TRPM3: variants seen among roughly 807,000 people sequenced by gnomAD.
The protein encoded by TRPM3 is long transient receptor potential channel 3.
In TRPM3, 77 loss-of-function variants were observed where a neutral mutation model predicts 181.2. The observed-to-expected ratio is 0.42, with a 90% CI of 0.35 to 0.51. The LOEUF (loss-of-function observed/expected upper bound fraction) is 0.51, where lower values mean the gene tolerates loss of function less well. Among genes scored for constraint, TRPM3 ranks in the 20% least tolerant of loss-of-function variants. TRPM3 has a pLI of 0.01. For missense variants in TRPM3, 1,759 were observed against 2,196.7 expected (o/e 0.80, Z 3.98); for synonymous variants, 745 against 796.4 (o/e 0.94, Z 1.09).
intron 1 of TRPM3, among the ~76,000 whole-genome samples, chr9:71,164,438 G>A (rs1473528411): frequency 6.6e-6 from 1 of 152,110 alleles, no homozygotes; most frequent in Non-Finnish European, 1.5e-5. Flanking sequence ...GGCTGGAGGA[G>A]AGGCAAACGG....
chr9:71,255,734 C>G (rs2082632312), intron 1 of TRPM3, among the ~76,000 whole-genome samples: 1 of 152,098 alleles, frequency 6.6e-6, no homozygotes, highest in Non-Finnish European at 1.5e-5. Flanking sequence ...TTGGGCAAGT[C>G]TTTTATTCTG....
At chr9:70,679,306 T>C (rs2064835913) in intron 9 of TRPM3, among the ~76,000 whole-genome samples, 1 of 152,226 alleles carries the variant, frequency 6.6e-6, no homozygotes, top group South Asian at 2.1e-4. Flanking sequence ...TAAAATGTAT[T>C]TCATATGGTA....
At chr9:70,553,360 G>GA (rs1301428876) in intron 22 of TRPM3, 50 bp from the exon 23 acceptor site, 12 of 1,583,414 alleles carry the variant, frequency 7.6e-6, no homozygotes, top group South Asian at 2.3e-5. Flanking sequence ...ATTTGAGTTA[G>GA]AAAAAAAATA....
chr9:71,421,218 G>A (rs1439399732), intron 1 of TRPM3, among the ~76,000 whole-genome samples: 1 of 151,764 alleles, frequency 6.6e-6, no homozygotes, highest in Non-Finnish European at 1.5e-5. Context: ...CTAGAGGTGG[G>A]AAGGAAGGAA....
chr9:71,163,319 G>T (rs1486402605), intron 1 of TRPM3, among the ~76,000 whole-genome samples: 2 of 152,012 alleles, frequency 1.3e-5, no homozygotes, highest in African/African-American at 4.8e-5. Flanking sequence ...GATAAAGAGG[G>T]GAAACAAGAT....
intron 1 of TRPM3, among the ~76,000 whole-genome samples, chr9:70,961,017 A>G (rs1449849347): frequency 1.3e-5 from 2 of 152,186 alleles, no homozygotes; most frequent in Admixed American, 6.5e-5. Flanking sequence ...AAACCTGGGA[A>G]TATGTTATCT....
intron 1 of TRPM3, among the ~76,000 whole-genome samples, chr9:71,366,067 C>G (rs1181601182): frequency 2.6e-5 from 4 of 152,074 alleles, no homozygotes; most frequent in African/African-American, 7.2e-5. Flanking sequence ...AAGAGCTTTT[C>G]AGAGATTGGT....
At chr9:71,055,088 G>C (rs77227714) in intron 1 of TRPM3, among the ~76,000 whole-genome samples, 66 of 152,188 alleles carry the variant, frequency 4.3e-4, no homozygotes, top group Non-Finnish European at 7.9e-4. Flanking sequence ...GTATTATTAA[G>C]TCATGTTAAG....
At chr9:71,145,320 CA>C (rs1313595614) in intron 1 of TRPM3, among the ~76,000 whole-genome samples, 16 of 152,154 alleles carry the variant, frequency 1.1e-4, no homozygotes, top group African/African-American at 3.4e-4. Flanking sequence ...TAAGCAACAA[CA>C]GAAGAGAGTG....
chr9:70,575,882 A>G (rs1020327159), intron 22 of TRPM3, among the ~76,000 whole-genome samples: 16 of 152,182 alleles, frequency 1.1e-4, no homozygotes, highest in African/African-American at 3.9e-4. Flanking sequence ...GGCACTCCAT[A>G]ACTATAAACT....
intron 1 of TRPM3, among the ~76,000 whole-genome samples, chr9:71,045,225 T>C (rs1260187142): frequency 6.6e-6 from 1 of 152,056 alleles, no homozygotes; most frequent in Non-Finnish European, 1.5e-5. Context: ...GCCTCCCGAG[T>C]AGCTGGGACT....
At chr9:71,411,181 G>T (rs2131453228) in intron 1 of TRPM3, among the ~76,000 whole-genome samples, 1 of 152,310 alleles carries the variant, frequency 6.6e-6, no homozygotes, top group Admixed American at 6.5e-5. Context: ...CATTCCCTTT[G>T]AAAACTGGCA....
chr9:70,997,299 C>T (rs1052334100), intron 1 of TRPM3, among the ~76,000 whole-genome samples: 2 of 152,088 alleles, frequency 1.3e-5, no homozygotes, highest in African/African-American at 2.4e-5. Flanking sequence ...CCTGGGTTCA[C>T]GCTATTCTGC....
chr9:71,406,870 A>C (rs1399321880), intron 1 of TRPM3, among the ~76,000 whole-genome samples: 1 of 152,122 alleles, frequency 6.6e-6, no homozygotes, highest in Admixed American at 6.6e-5. Context: ...TTAAGGGTAC[A>C]CGTTTAGAGC....
At chr9:71,114,233 C>T (rs1206618816) in intron 1 of TRPM3, among the ~76,000 whole-genome samples, 1 of 152,160 alleles carries the variant, frequency 6.6e-6, no homozygotes, top group Non-Finnish European at 1.5e-5. Context: ...CACTACAACT[C>T]CTATGCATGT....
chr9:70,868,301 T>C (rs865934512), intron 1 of TRPM3, among the ~76,000 whole-genome samples: 2 of 151,976 alleles, frequency 1.3e-5, no homozygotes, highest in Non-Finnish European at 2.9e-5. Context: ...TTAAAAGACA[T>C]CATATTCAAG....
intron 5 of TRPM3, among the ~76,000 whole-genome samples, chr9:70,834,451 A>G (rs1233979379): frequency 6.6e-6 from 1 of 152,228 alleles, no homozygotes; most frequent in African/African-American, 2.4e-5. Context: ...AGAAATCACC[A>G]TGTATGAGTG....
intron 1 of TRPM3, among the ~76,000 whole-genome samples, chr9:71,234,259 T>A (rs1276477949): frequency 6.6e-6 from 1 of 152,170 alleles, no homozygotes; most frequent in Non-Finnish European, 1.5e-5. Flanking sequence ...GAGTGTTACA[T>A]ATCTTAGCCT....
intron 1 of TRPM3, among the ~76,000 whole-genome samples, chr9:71,041,792 C>G (rs2058854343): frequency 6.6e-6 from 1 of 152,124 alleles, no homozygotes; most frequent in South Asian, 2.1e-4. Flanking sequence ...CAAACCTGTT[C>G]AGGTAGGATT....
Sources: gnomAD v4.1 joint callset for allele counts (sites outside exome capture counted in the v4.1 genomes callset) on GRCh38, gnomAD v4.1.1 for gene constraint, MANE v1.5 for transcripts, NCBI Gene and HGNC (gene_info 2026-07-23, HGNC 2026-07-21) for gene names.